SPTA1: variants seen among roughly 807,000 people sequenced by gnomAD.
SPTA1 encodes spectrin alpha, erythrocytic 1.
SPTA1 carries 177 observed loss-of-function variants against 324.7 expected under a neutral mutation model. The ratio of observed to expected loss-of-function variants is 0.55; its 90% CI spans 0.48 to 0.62. The LOEUF is 0.62. SPTA1 is among the 20% of genes least tolerant of loss of function. SPTA1 has a pLI of 0.00. For missense variants in SPTA1, 3,162 were observed against 2,883.6 expected (o/e 1.10, Z -2.21); for synonymous variants, 1,195 against 1,041.3 (o/e 1.15, Z -2.84).
At chr1:158,654,007 G>A (rs1184007048) in intron 21 of SPTA1, among the ~76,000 whole-genome samples, 1 of 152,084 alleles carries the variant, frequency 6.6e-6, no homozygotes, top group Non-Finnish European at 1.5e-5. Context: ...AACATCTGCC[G>A]CTCCAAACAT....
At chr1:158,685,424 G>A in intron 1 of SPTA1, 77 bp from the exon 2 acceptor site, 1 of 1,582,578 alleles carries the variant, frequency 6.3e-7, no homozygotes, top group Non-Finnish European at 8.6e-7. Flanking sequence ...GTGTCAAGGT[G>A]TTTACTCATG....
intron 25 of SPTA1, 107 bp downstream of exon 25, chr1:158,649,749 C>G: frequency 1.1e-6 from 1 of 909,406 alleles, no homozygotes; most frequent in Non-Finnish European, 1.8e-6. Flanking sequence ...CACATTGTCT[C>G]CATCTCACGA....
chr1:158,660,393 G>A (rs1023005597), intron 18 of SPTA1, among the ~76,000 whole-genome samples: 1 of 152,016 alleles, frequency 6.6e-6, no homozygotes, highest in African/African-American at 2.4e-5. Context: ...GTTTACTAAA[G>A]GCTTCAGAAC....
chr1:158,639,745 A>T (rs1460583228), intron 34 of SPTA1, 59 bp from the exon 35 acceptor site: 1 of 1,611,958 alleles, frequency 6.2e-7, no homozygotes, highest in East Asian at 2.2e-5. Context: ...AAGGAGAATA[A>T]GATCAGCAGC....
chr1:158,665,407 A>G (rs1259352881), intron 16 of SPTA1, among the ~76,000 whole-genome samples: 1 of 144,204 alleles, frequency 6.9e-6, no homozygotes, highest in Admixed American at 7.0e-5. Context: ...GAGTGACCAT[A>G]GAGTAGGCAT....
Position 158,611,345 on chromosome 1 carries a change from C to T in SPTA1, c.7179G>A (p.Gln2393=). The change falls in exon 52 of 52, where the codon CAG becomes CAA. Residue 2393 remains glutamine, a synonymous_variant. Coordinates refer to ENST00000643759, the MANE Select transcript of SPTA1 (RefSeq NM_003126.4). ...EQVSFCATHM[Q]QYMDPRGRSH... ...TTCGACCCCGTGGGTCCATATATTG[C>T]TGCATATGTGTGGCACAGAATGACA... 6.2e-7 allele frequency: 1 copy of T among 1,613,706 alleles called. No individual in the cohort carries two copies. The highest frequency in any genetic ancestry group is 8.5e-7 in the Non-Finnish European group (1 of 1,179,762).
intron 5 of SPTA1, among the ~76,000 whole-genome samples, chr1:158,679,874 C>G (rs188210689): frequency 8.5e-4 from 129 of 152,100 alleles, no homozygotes; most frequent in Non-Finnish European, 1.5e-3. Context: ...AATAGGAAAA[C>G]ATAGGTTATT....
intron 37 of SPTA1, 46 bp from the exon 38 acceptor site, chr1:158,636,080 C>A: frequency 6.2e-7 from 1 of 1,613,994 alleles, no homozygotes; most frequent in Non-Finnish European, 8.5e-7. Context: ...ACAATCTCTC[C>A]CCATTTAGCC....
chr1:158,635,913 C>A lies in SPTA1; in HGVS notation c.5432G>T (p.Arg1811Leu). 1 of 1,614,100 alleles carries A rather than the reference C, an allele frequency of 6.2e-7. No homozygotes were observed. The highest frequency in any genetic ancestry group is 8.5e-7 in the Non-Finnish European group (1 of 1,179,994). Residue 1811 changes from arginine to leucine, a missense_variant and splice_region_variant, in exon 38 of 52, where the codon CGA becomes CTA. Coordinates refer to ENST00000643759, the MANE Select transcript of SPTA1 (RefSeq NM_003126.4). ...ACTGGGCCTTCTGTATCCCACTCAC[C>A]GGGCCTTGGCCAACTCTTTGAGCTT... ...WEKLKELAKARGLKLEESLEY... is the reference protein window; with the variant it reads ...WEKLKELAKALGLKLEESLEY...
At chr1:158,645,860 A>C (rs891122997) in intron 27 of SPTA1, among the ~76,000 whole-genome samples, 1 of 152,108 alleles carries the variant, frequency 6.6e-6, no homozygotes, top group Admixed American at 6.5e-5. Context: ...TTTTGTTTTC[A>C]TTATGGAGAT....
intron 39 of SPTA1, among the ~76,000 whole-genome samples, chr1:158,630,020 T>C (rs1298838320): frequency 6.6e-6 from 1 of 151,720 alleles, no homozygotes; most frequent in Admixed American, 6.6e-5. Flanking sequence ...AATGGAAAAA[T>C]ATTCTGTGTT....
rs377659326 is a variant in SPTA1 at position 158,636,688 on chromosome 1, G to T, written c.5263C>A (p.His1755Asn). 1 of 1,614,098 alleles carries T rather than the reference G, an allele frequency of 6.2e-7. No homozygotes were observed. Among genetic ancestry groups the T allele is most frequent in the Non-Finnish European group, 8.5e-7 (1 of 1,180,018 alleles). ...ACCAGCTCCCCCTCTAGGCGTTTGT[G>T]CTTCTTCAGCAAGTTCTGAACCCCC... is the stretch of plus-strand genomic sequence containing the variant. ...LQGVQNLLKK[H>N]KRLEGELVAH... Residue 1755 changes from histidine (H) to asparagine (N), a missense_variant, in exon 37 of 52, where the codon CAC becomes AAC. His to Asn is a moderately conservative substitution (Grantham distance 68, BLOSUM62 1). Transcript: ENST00000643759.
At chr1:158,625,224 G>A (rs534193255) in intron 42 of SPTA1, among the ~76,000 whole-genome samples, 2 of 152,176 alleles carry the variant, frequency 1.3e-5, no homozygotes, top group African/African-American at 2.4e-5. Context: ...AAAAATGTTG[G>A]TGCAGTATAC....
At position 158,683,358 on chromosome 1, in the gene SPTA1, C is replaced by A; in HGVS notation, c.390+13G>T. 6.2e-7 allele frequency: 1 copy of A among 1,612,992 alleles called. No homozygotes were observed. The highest frequency in any genetic ancestry group is 8.5e-7 in the Non-Finnish European group (1 of 1,179,248). ...CAATAATTGGAAACTTCTTCAAGGGCCCATACATATACCTTCGTTTCTTCG... is the reference window on the plus strand; with the variant it reads ...CAATAATTGGAAACTTCTTCAAGGGACCATACATATACCTTCGTTTCTTCG... On this transcript the variant is annotated intron_variant, in intron 3 of 51. Coordinates refer to ENST00000643759, the MANE Select transcript of SPTA1 (RefSeq NM_003126.4).
At position 158,661,560 on chromosome 1, in the gene SPTA1, T is replaced by C. The variant is rs942239048; in HGVS notation, c.2465-151A>G. ...CTTTAAATTTATATCATCTGTCTGA[T>C]TTCACTCTACTTATCTTTGTTCTTC... On this transcript the variant is annotated intron_variant, in intron 17 of 51. Coordinates refer to ENST00000643759, the MANE Select transcript of SPTA1 (RefSeq NM_003126.4). The C allele has an allele frequency of 9.5e-5, 95 of 996,992 alleles. No individual in the cohort carries two copies. The African/African-American group carries it at 1.4e-3, about 15-fold the overall frequency. 61.8% of individuals were successfully genotyped at this position (996,992 alleles called of 1,614,324 possible).
rs914346638 is a variant in SPTA1, at chr1:158,620,677, G to A, written c.6121-211C>T. The A allele has an allele frequency of 5.4e-6, 3 of 552,994 alleles. No homozygotes were observed. The East Asian group carries it at 9.0e-5, about 17-fold the overall frequency. 34.3% of individuals were successfully genotyped at this position (552,994 alleles called of 1,614,324 possible). Reference sequence around the variant, plus strand: ...CCTGGTTCTGGCATTTTCTCATTGTGTGAAATTGTTTAAGTCTTTCATCAT... The same window carrying A: ...CCTGGTTCTGGCATTTTCTCATTGTATGAAATTGTTTAAGTCTTTCATCAT... On this transcript the variant is annotated intron_variant, in intron 43 of 51. Coordinates refer to ENST00000643759, the MANE Select transcript of SPTA1 (RefSeq NM_003126.4).
rs754982398 is a variant in SPTA1, at chr1:158,669,716, C to G, written c.1670G>C (p.Arg557Pro). 1 of 1,613,972 alleles carries G rather than the reference C, an allele frequency of 6.2e-7. No individual in the cohort carries two copies. The highest frequency in any genetic ancestry group is 8.5e-7 in the Non-Finnish European group (1 of 1,179,990). The change falls in exon 13 of 52, where the codon CGT becomes CCT. Residue 557 changes from arginine to proline, a missense_variant. Transcript: ENST00000643759. Reference sequence around the variant, plus strand: ...CTAGGCCCTTGGACATACCCCGTCACGGATAGCCTTGATGTTCTCTGAATC... The same window carrying G: ...CTAGGCCCTTGGACATACCCCGTCAGGGATAGCCTTGATGTTCTCTGAATC... ...HYDSENIKAI[R>P]DGLLARRDAL...
At chr1:158,613,044 A>G (rs754484925) in intron 50 of SPTA1, 83 bp from the exon 51 acceptor site, 13 of 1,471,774 alleles carry the variant, frequency 8.8e-6, no homozygotes, top group Non-Finnish European at 1.2e-5. Flanking sequence ...GTGTCTCAGA[A>G]ACAGAGGAAA....
intron 1 of SPTA1, among the ~76,000 whole-genome samples, chr1:158,686,104 C>T (rs1655154727): frequency 1.3e-5 from 2 of 152,210 alleles, no homozygotes; most frequent in South Asian, 4.1e-4. Flanking sequence ...CCTAGCTTAC[C>T]TCAGCCAAAA....
Sources: gnomAD v4.1 joint callset for allele counts (sites outside exome capture counted in the v4.1 genomes callset) on GRCh38, gnomAD v4.1.1 for gene constraint, MANE v1.5 for transcripts, NCBI Gene and HGNC (gene_info 2026-07-23, HGNC 2026-07-21) for gene names.